The following TMEM170A variants were observed in gnomAD, a reference collection of about 807,000 sequenced individuals.
The protein encoded by TMEM170A is transmembrane protein 170.
A neutral mutation model predicts 12.8 loss-of-function variants in TMEM170A; 18 were observed. The ratio of observed to expected loss-of-function variants is 1.41; its 90% confidence interval spans 0.97 to 2.09. The LOEUF is 2.09. Ranked by LOEUF, TMEM170A falls within the 30% of genes most tolerant of loss-of-function variation. The pLI, the probability that TMEM170A is intolerant of heterozygous loss-of-function variation, is 0.00. For missense variants in TMEM170A, 220 were observed against 179.9 expected, an observed-to-expected ratio of 1.22 and a Z score of -1.28; for synonymous variants, 107 against 76.2, an observed-to-expected ratio of 1.40 and a Z score of -2.11.
chr16:75,461,428 AAATC>A (rs2151650724), intron 1 of TMEM170A, among the ~76,000 whole-genome samples: 1 of 152,348 alleles, frequency 6.6e-6, no homozygotes, highest in Non-Finnish European at 1.5e-5. Context: ...AATAAAGAAA[AAATC>A]AATTCAGTAC....
At position 75,447,690 on chromosome 16, in the gene TMEM170A, T is replaced by G; in HGVS notation, c.305-2A>C. 6.3e-7 allele frequency: 1 copy of G among 1,580,400 alleles called. No homozygotes were observed. The highest frequency in any genetic ancestry group is 8.6e-7 in the Non-Finnish European group (1 of 1,168,062). On this transcript the variant is annotated splice_acceptor_variant, in intron 2 of 2. Transcript: ENST00000561878. LOFTEE classifies it high-confidence loss of function. Reference sequence around the variant, plus strand: ...GGTAAACTCCAGCAATAGCTGCACCTGATTTAAAATGCAAGAATGTTAAAC... The same window carrying G: ...GGTAAACTCCAGCAATAGCTGCACCGGATTTAAAATGCAAGAATGTTAAAC...
At chr16:75,448,529 G>T (rs1274728501) in intron 2 of TMEM170A, among the ~76,000 whole-genome samples, 2 of 152,152 alleles carry the variant, frequency 1.3e-5, no homozygotes, top group Non-Finnish European at 2.9e-5. Context: ...TTGGGAGGCC[G>T]AGATGGGTGG....
chr16:75,445,788 G>GT lies in TMEM170A; in HGVS notation c.*1769dup, dbSNP rs1432450051. Reference sequence around the variant, plus strand: ...TGGCTATTTTTAATCAGAAGCCAGAGTGTGTATTGCTTTAAATGGAATAGA... The same window carrying GT: ...TGGCTATTTTTAATCAGAAGCCAGAGTTGTGTATTGCTTTAAATGGAATAGA... On this transcript the variant is annotated 3_prime_UTR_variant, in exon 3 of 3. Coordinates refer to ENST00000561878, the MANE Select transcript of TMEM170A (RefSeq NM_145254.3). 6.6e-6 allele frequency: 1 copy of GT among 151,860 alleles called. No homozygotes were observed. The highest frequency in any genetic ancestry group is 1.5e-5 in the Non-Finnish European group (1 of 68,004). The allele number at this position is 151,860 out of a possible 1,614,324, so 9.4% of individuals were successfully genotyped here.
chr16:75,464,429 G>A (rs768461264), intron 1 of TMEM170A, 39 bp downstream of exon 1: 1 of 1,401,370 alleles, frequency 7.1e-7, no homozygotes, highest in African/African-American at 1.5e-5. Context: ...CAGCGGCGAC[G>A]GCGGGGCGCG....
chr16:75,454,829 AC>A (rs1320738041), intron 1 of TMEM170A, among the ~76,000 whole-genome samples: 1 of 152,104 alleles, frequency 6.6e-6, no homozygotes, highest in Non-Finnish European at 1.5e-5. Flanking sequence ...CTGGAAAACC[AC>A]CTTTTTGCAG....
intron 2 of TMEM170A, among the ~76,000 whole-genome samples, chr16:75,448,207 G>C (rs1482494585): frequency 6.6e-6 from 1 of 152,210 alleles, no homozygotes. Flanking sequence ...AGGGACTAGA[G>C]GGGTGAAAAG....
rs986525500 is a variant in TMEM170A at position 75,443,626 on chromosome 16, G to A, written c.*3932C>T. On this transcript the variant is annotated 3_prime_UTR_variant, in exon 3 of 3. Transcript: ENST00000561878. ...TAAAATCTTAAAAAAAATAAGGAAC[G>A]GTTTAAAGGTAATTAATGAACTTTT... The A allele has an allele frequency of 5.9e-5, 9 of 152,128 alleles. No homozygotes were observed. Among genetic ancestry groups the A allele is most frequent in the Middle Eastern group, 3.4e-3 (1 of 294 alleles). The allele number at this position is 152,128 out of a possible 1,614,324, so 9.4% of individuals were successfully genotyped here.
chr16:75,464,590 T>C lies in TMEM170A; in HGVS notation c.11A>G (p.Glu4Gly), dbSNP rs748204206. 5.7e-6 allele frequency: 9 copies of C among 1,584,922 alleles called. No individual in the cohort carries two copies. Among genetic ancestry groups the C allele is most frequent in the South Asian group, 5.7e-5 (5 of 88,070 alleles). ...CGACCCGCCGCTGCCGCCGCTCCCC[T>C]CGCGCTCCATCCCGTCGCCATTCAC... MER[E>G]GSGGSGGSAG... The change falls in exon 1 of 3, where the codon GAG becomes GGG. Residue 4 changes from glutamate to glycine, a missense_variant. By Grantham distance (98) the Glu-to-Gly change is moderately conservative (BLOSUM62 -2). Coordinates refer to ENST00000561878, the MANE Select transcript of TMEM170A (RefSeq NM_145254.3).
chr16:75,453,938 G>A (rs1429490363), intron 1 of TMEM170A, among the ~76,000 whole-genome samples: 1 of 152,210 alleles, frequency 6.6e-6, no homozygotes, highest in Non-Finnish European at 1.5e-5. Flanking sequence ...TCCCCCCAGT[G>A]AACCCAAGGC....
intron 2 of TMEM170A, 177 bp downstream of exon 2, chr16:75,451,492 T>C (rs572697113): frequency 3.7e-5 from 24 of 653,778 alleles, no homozygotes; most frequent in African/African-American, 3.1e-4. Context: ...GAGGCTGCAG[T>C]GAGCCAATAT....
intron 1 of TMEM170A, chr16:75,458,774 C>T (rs1597452013): frequency 6.6e-6 from 1 of 152,294 alleles, no homozygotes; most frequent in South Asian, 2.1e-4. Flanking sequence ...AATCACTGAT[C>T]AATCAAATAA....
chr16:75,455,772 C>G (rs56160171), intron 1 of TMEM170A, among the ~76,000 whole-genome samples: 1 of 152,112 alleles, frequency 6.6e-6, no homozygotes, highest in Non-Finnish European at 1.5e-5. Flanking sequence ...GAGAGCTAGA[C>G]TTTAAAAAGA....
rs775511681 is a variant in TMEM170A at position 75,447,660 on chromosome 16, T to C, written c.333A>G (p.Ala111=). The change falls in exon 3 of 3, where the codon GCA becomes GCG. Residue 111 remains alanine (A), a synonymous_variant. Transcript: ENST00000561878. The part of the protein sequence containing the change: ...TSAAIAGVYR[A]AGKEMIPFEA... ...CAAATGGTATCATTTCCTTCCCTGC[T>C]GCTCGGTAAACTCCAGCAATAGCTG... 26 of 1,606,816 alleles carry C rather than the reference T, an allele frequency of 1.6e-5. No homozygotes were observed. In the Admixed American group the frequency reaches 3.9e-4, roughly 24 times the overall value.
intron 1 of TMEM170A, among the ~76,000 whole-genome samples, chr16:75,463,719 T>C (rs1358732868): frequency 1.3e-5 from 2 of 152,234 alleles, no homozygotes; most frequent in African/African-American, 4.8e-5. Context: ...GCTTTTCTCC[T>C]CCTTCCCAAG....
At chr16:75,448,700 G>A (rs180699373) in intron 2 of TMEM170A, among the ~76,000 whole-genome samples, 34 of 151,924 alleles carry the variant, frequency 2.2e-4, no homozygotes, top group African/African-American at 7.5e-4. Flanking sequence ...GGAGGTGGAG[G>A]TTGTTGTGAG....
chr16:75,458,494 G>A (rs1161980359), intron 1 of TMEM170A: 2 of 152,234 alleles, frequency 1.3e-5, no homozygotes, highest in African/African-American at 4.8e-5. Context: ...GAGATTTGAA[G>A]ATGTTATGCC....
Position 75,457,853 on chromosome 16 carries a change from G to C in TMEM170A, c.134-6014C>G, listed in dbSNP as rs191847895. Among the ~76,000 whole-genome samples the C allele has an allele frequency of 2.6e-5, 4 of 152,234 alleles. No homozygotes were observed. The East Asian group carries it at 7.7e-4, about 29-fold the overall frequency. ...CCACATCCATTAGCTCCTTCACTAT[G>C]TATTTTATATAGCATCACTAAAGTC... On this transcript the variant is annotated intron_variant, in intron 1 of 2. Transcript: ENST00000561878.
intron 1 of TMEM170A, among the ~76,000 whole-genome samples, chr16:75,452,153 A>G (rs531851214): frequency 6.6e-6 from 1 of 152,000 alleles, no homozygotes; most frequent in African/African-American, 2.4e-5. Context: ...TTGTATTTTT[A>G]GTAGAGACGG....
intron 1 of TMEM170A, among the ~76,000 whole-genome samples, chr16:75,463,270 C>G (rs2079939479): frequency 6.6e-6 from 1 of 152,062 alleles, no homozygotes; most frequent in Admixed American, 6.6e-5. Flanking sequence ...ATGTATCACA[C>G]AGGGTCACCA....
Sources: gnomAD v4.1 joint callset for allele counts (sites outside exome capture counted in the v4.1 genomes callset) on GRCh38, gnomAD v4.1.1 for gene constraint, MANE v1.5 for transcripts, NCBI Gene and HGNC (gene_info 2026-07-23, HGNC 2026-07-21) for gene names.